Variants in COL6A3 observed in about 807,000 individuals in gnomAD.
COL6A3 encodes the protein collagen alpha-3(VI) chain.
Under a neutral mutation model 274.1 loss-of-function variants are expected in COL6A3, and 137 were observed. The ratio of observed to expected loss-of-function variants is 0.50; its 90% CI spans 0.44 to 0.58. The LOEUF is 0.58. COL6A3 is among the 20% of genes least tolerant of loss of function. The pLI, the probability that COL6A3 is intolerant of heterozygous loss-of-function variation, is 0.00. For missense variants in COL6A3, 3,950 were observed against 4,124.9 expected, an observed-to-expected ratio of 0.96 and a Z score of 1.16; for synonymous variants, 1,650 against 1,650.6, an observed-to-expected ratio of 1.00 and a Z score of 0.01.
rs147896953 is a variant in COL6A3, at chr2:237,365,848, G to T, written c.5688C>A (p.Gly1896=). 28 of 1,614,090 alleles carry T rather than the reference G, an allele frequency of 1.7e-5. No homozygotes were observed. The African/African-American group carries it at 3.6e-4, about 21-fold the overall frequency. The stretch of plus-strand genomic sequence containing the variant: ...CGTCAAAGTCAAAGGCCTCCACCGG[G>T]CCCGAGGGCGTGTTGGCCACCACTG... ...RVSVVANTPS[G]PVEAFDFDEY... The change falls in exon 12 of 44, where the codon GGC becomes GGA. Residue 1896 remains glycine (G), a synonymous_variant. Coordinates refer to ENST00000295550, the MANE Select transcript of COL6A3 (RefSeq NM_004369.4).
chr2:237,408,546 C>G (rs2078776767), intron 1 of COL6A3, among the ~76,000 whole-genome samples: 1 of 152,206 alleles, frequency 6.6e-6, no homozygotes. Context: ...GAATGGTTTC[C>G]CTTGAGATCT....
rs201962257 is a variant in COL6A3 at position 237,374,868 on chromosome 2, G to C, written c.3223C>G (p.Arg1075Gly). 1 of 1,613,860 alleles carries C rather than the reference G, an allele frequency of 6.2e-7. No homozygotes were observed. Among genetic ancestry groups the C allele is most frequent in the East Asian group, 2.2e-5 (1 of 44,838 alleles). Reference protein sequence around the residue: ...VRVAVVQYSDRTRPEFYLNSY... With the variant: ...VRVAVVQYSDGTRPEFYLNSY... The stretch of plus-strand genomic sequence containing the variant: ...TTCAGGTAGAACTCGGGCCTGGTCC[G>C]GTCGCTGTACTGCACCACGGCCACG... Residue 1075 changes from arginine (R) to glycine (G), a missense_variant, in exon 8 of 44, where the codon CGG (arginine) becomes GGG (glycine). Physicochemically the swap from Arg to Gly is moderately radical, Grantham distance 125. Around this residue, in one of 5 missense-constraint regions of COL6A3, gnomAD observed 1,934 missense variants for 1,984.3 expected, o/e 0.97. Transcript: ENST00000295550. This position sits in a 1 kb window ranked among gnomAD's most constrained non-coding sequence, Gnocchi z 4.8.
chr2:237,351,688 A>G (rs913921742), intron 26 of COL6A3, among the ~76,000 whole-genome samples: 1 of 152,252 alleles, frequency 6.6e-6, no homozygotes, highest in African/African-American at 2.4e-5. Flanking sequence ...AAATTAATAA[A>G]TGTTTCTGGA....
chr2:237,373,357 C>T (rs939869471), intron 8 of COL6A3, among the ~76,000 whole-genome samples: 6 of 152,140 alleles, frequency 3.9e-5, no homozygotes, highest in African/African-American at 2.4e-5. Flanking sequence ...ACACACAAAG[C>T]GCCTTAGTTA....
chr2:237,348,244 T>C (rs1559212068), intron 30 of COL6A3, 105 bp downstream of exon 30: 26 of 929,092 alleles, frequency 2.8e-5, no homozygotes, highest in Non-Finnish European at 4.3e-5. Context: ...GTTAACTGAG[T>C]GGCTGACCCA....
rs749408852 is a variant in COL6A3, at chr2:237,340,999, C to T, written c.7917G>A (p.Lys2639=). Residue 2639 remains lysine (K), a synonymous_variant, in exon 38 of 44, where the codon AAG becomes AAA. Coordinates refer to ENST00000295550, the MANE Select transcript of COL6A3 (RefSeq NM_004369.4). ...GTCTGACCAGGTACGCTATGTACTT[C>T]TTCATCTCATTGAACTGGAACAGGG... is the stretch of plus-strand genomic sequence containing the variant. ...TTTLFQFNEM[K]KYIAYLVRQL... 24 of 1,614,182 alleles carry T rather than the reference C, an allele frequency of 1.5e-5. No individual in the cohort carries two copies. The East Asian group carries it at 5.3e-4, about 36-fold the overall frequency.
At chr2:237,332,050 C>A (rs1190091837) in intron 42 of COL6A3, among the ~76,000 whole-genome samples, 1 of 98,882 alleles carries the variant, frequency 1.0e-5, no homozygotes, top group Non-Finnish European at 2.1e-5. Flanking sequence ...TCTCTCCCCC[C>A]ATCTCTCTCT....
intron 30 of COL6A3, among the ~76,000 whole-genome samples, chr2:237,348,076 A>G (rs2077131318): frequency 2.0e-5 from 3 of 152,342 alleles, no homozygotes; most frequent in East Asian, 1.9e-4. Context: ...TAATGATACT[A>G]TCATGTAGGT....
rs1353846437 is a variant in COL6A3 at position 237,394,599 on chromosome 2, T to C, written c.697A>G (p.Lys233Glu). 1.2e-6 allele frequency: 2 copies of C among 1,613,980 alleles called. No individual in the cohort carries two copies. The highest frequency in any genetic ancestry group is 2.2e-5 in the East Asian group (1 of 44,896). ...GCGTTGCCATTACCTGTGATGTCTT[T>C]AAGGGTTTCCGTGTCCCCAGCCCTT... The part of the protein sequence containing the change: ...PERAGDTETL[K>E]DITAQDSADI... Residue 233 changes from lysine to glutamate, a missense_variant, in exon 3 of 44, where the codon AAA becomes GAA. Physicochemically the swap from Lys to Glu is moderately conservative, Grantham distance 56. This residue lies in a region of COL6A3 where 1,934 missense variants were observed against 1,984.3 expected (regional missense o/e 0.97). Transcript: ENST00000295550.
rs56882153 is a variant in COL6A3 at position 237,379,291 on chromosome 2, C to T, written c.1898-56G>A. 2,098 of 1,609,730 alleles carry T rather than the reference C, an allele frequency of 1.3e-3. 15 individuals are homozygous for T. In the African/African-American group the frequency reaches 0.02, roughly 15 times the overall value. ...CATACACAACCACGGAGAGTTTTAT[C>T]ATGTGTGCCTACAACACGTGCACAC... On this transcript the variant is annotated intron_variant, in intron 5 of 43. Coordinates refer to ENST00000295550, the MANE Select transcript of COL6A3 (RefSeq NM_004369.4).
At chr2:237,369,607 T>C (rs1019876859) in intron 9 of COL6A3, among the ~76,000 whole-genome samples, 48 of 152,296 alleles carry the variant, frequency 3.2e-4, no homozygotes, top group Non-Finnish European at 1.3e-4. Context: ...GTTCTCGCCT[T>C]GTCCAAGGCC....
At chr2:237,335,670 C>CA (rs904743623) in intron 40 of COL6A3, among the ~76,000 whole-genome samples, 8 of 152,284 alleles carry the variant, frequency 5.3e-5, no homozygotes, top group South Asian at 4.2e-4. Context: ...TTTGCAGTTG[C>CA]AAAGGGCTCC....
intron 3 of COL6A3, among the ~76,000 whole-genome samples, chr2:237,389,197 T>C (rs958335243): frequency 2.0e-5 from 3 of 152,292 alleles, no homozygotes; most frequent in Middle Eastern, 3.4e-3. Context: ...CGGGGTTATA[T>C]AGCAGCCCTG....
intron 4 of COL6A3, among the ~76,000 whole-genome samples, chr2:237,382,684 G>A (rs576548202): frequency 3.0e-4 from 45 of 152,350 alleles, no homozygotes; most frequent in African/African-American, 1.1e-3. Flanking sequence ...CAGATAGATT[G>A]CATGGCAAGT....
chr2:237,404,310 T>C (rs958073941), intron 1 of COL6A3, among the ~76,000 whole-genome samples: 6 of 152,304 alleles, frequency 3.9e-5, no homozygotes, highest in African/African-American at 1.4e-4. Flanking sequence ...TCCATGTTTG[T>C]ATGTGATTCT....
rs559016203 is a variant in COL6A3, at chr2:237,352,941, A to G, written c.6691-357T>C. 2.6e-5 allele frequency among the ~76,000 whole-genome samples: 4 copies of G among 152,370 alleles called. No individual in the cohort carries two copies. In the East Asian group the frequency reaches 7.7e-4, roughly 29 times the overall value. ...TAGCCACACAACAGAGTATCCTTCC[A>G]TCATGTAAAGGAATGAAGTGCTTCT... On this transcript the variant is annotated intron_variant, in intron 25 of 43. Coordinates refer to ENST00000295550, the MANE Select transcript of COL6A3 (RefSeq NM_004369.4).
chr2:237,333,349 A>G (rs1700362861), intron 42 of COL6A3, 101 bp downstream of exon 42: 8 of 1,060,662 alleles, frequency 7.5e-6, no homozygotes, highest in Non-Finnish European at 8.7e-6. Context: ...CCCCCATAGA[A>G]GTCATGCCTG....
In COL6A3 at chr2:237,395,114, A is replaced by ACT. The variant is rs1559280064; in HGVS notation, c.181_182insAG (p.Phe61Ter). The change falls in exon 3 of 44, where the codon TTT (phenylalanine) becomes TAGTT (stop). Residue 61 changes from phenylalanine to a stop codon, truncating the protein, a stop_gained and frameshift_variant. Transcript: ENST00000295550. LOFTEE classifies it high-confidence loss of function. Reference sequence around the variant, plus strand: ...TAAGGATTTTACAACATCATATAGAAACTCTCGAACAAGTTGGAAATGTTC... The same window carrying ACT: ...TAAGGATTTTACAACATCATATAGAACTACTCTCGAACAAGTTGGAAATGTTC... ...GEEHFQLVRE[F>*]LYDVVKSLAV... is the part of the protein sequence containing the mutation. 7 of 1,614,098 alleles carry ACT rather than the reference A, an allele frequency of 4.3e-6. No homozygotes were observed. Among genetic ancestry groups the ACT allele is most frequent in the Non-Finnish European group, 5.9e-6 (7 of 1,180,018 alleles).
chr2:237,387,001 C>T (rs907471807), intron 4 of COL6A3, among the ~76,000 whole-genome samples: 1 of 152,082 alleles, frequency 6.6e-6, no homozygotes, highest in African/African-American at 2.4e-5. Flanking sequence ...GAGAATTACT[C>T]CTACACTTCA....
Sources: allele counts gnomAD v4.1 joint callset (sites outside exome capture counted in the v4.1 genomes callset), GRCh38; gene constraint gnomAD v4.1.1; regional missense constraint gnomAD v4.1.1; non-coding constraint Gnocchi (gnomAD v3.1); transcripts MANE v1.5; gene names NCBI Gene and HGNC (gene_info 2026-07-23, HGNC 2026-07-21).